The following EIF2AK3 variants were observed in gnomAD, a reference collection of about 807,000 sequenced individuals.
EIF2AK3 encodes eukaryotic translation initiation factor 2-alpha kinase 3.
A neutral mutation model predicts 113.5 loss-of-function variants in EIF2AK3; 50 were observed. The ratio of observed to expected loss-of-function variants is 0.44; its 90% CI spans 0.35 to 0.56. The LOEUF (loss-of-function observed/expected upper bound fraction) is 0.56, where lower values mean the gene tolerates loss of function less well. Ranked by LOEUF, EIF2AK3 falls within the 20% of genes least tolerant of loss-of-function variation. EIF2AK3 has a pLI of 0.00. For missense variants in EIF2AK3, 1,185 were observed against 1,378.0 expected, an observed-to-expected ratio of 0.86 and a Z score of 2.22; for synonymous variants, 448 against 495.4, an observed-to-expected ratio of 0.90 and a Z score of 1.27.
rs983962343 is a variant in EIF2AK3, at chr2:88,561,861, GA to G, written c.3087+427del. ...GCGACAGAGCAAGACCTTGCCTTGA[GA>G]AAAAAAAAAGACTTTCAGTACTATC... is the stretch of plus-strand genomic sequence containing the variant. On this transcript the variant is annotated intron_variant, in intron 15 of 16. Coordinates refer to ENST00000303236, the MANE Select transcript of EIF2AK3 (RefSeq NM_004836.7). Among the ~76,000 whole-genome samples, 11 of 147,392 alleles carry G rather than the reference GA, an allele frequency of 7.5e-5. 1 individual carries two copies. Among genetic ancestry groups the G allele is most frequent in the South Asian group, 4.3e-4 (2 of 4,664 alleles).
chr2:88,623,422 A>G (rs1402013999), intron 1 of EIF2AK3, among the ~76,000 whole-genome samples: 1 of 152,242 alleles, frequency 6.6e-6, no homozygotes, highest in Non-Finnish European at 1.5e-5. Flanking sequence ...TATGCAGAGT[A>G]AGCACTTAGA....
Position 88,627,294 on chromosome 2 carries a change from C to G in EIF2AK3, c.-20G>C, listed in dbSNP as rs1304168656. The stretch of plus-strand genomic sequence containing the variant: ...CTCCATCAGCGTCCCGCCCCGCGCG[C>G]AGGCATGGAGGCGCAGCCACTGACG... On this transcript the variant is annotated 5_prime_UTR_variant, in exon 1 of 17. Transcript: ENST00000303236. The G allele has an allele frequency of 3.4e-6, 5 of 1,480,862 alleles. No individual in the cohort carries two copies. The highest frequency in any genetic ancestry group is 1.5e-5 in the African/African-American group (1 of 68,656). The allele number at this position is 1,480,862 out of a possible 1,614,324, so 91.7% of individuals were successfully genotyped here.
rs772383156 is a variant in EIF2AK3, at chr2:88,574,930, A to G, written c.2553T>C (p.Ala851=). The G allele has an allele frequency of 6.2e-7, 1 of 1,614,180 alleles. No homozygotes were observed. Among genetic ancestry groups the G allele is most frequent in the Non-Finnish European group, 8.5e-7 (1 of 1,180,022 alleles). ...KPTSSKSSSE[A]TLSISPPRPT... Reference sequence around the variant, plus strand: ...GTCTTGGAGGAGAAATAGACAATGTAGCTTCAGAAGAAGATTTGCTACTGG... The same window carrying G: ...GTCTTGGAGGAGAAATAGACAATGTGGCTTCAGAAGAAGATTTGCTACTGG... The change falls in exon 13 of 17, where the codon GCT becomes GCC. Residue 851 remains alanine, a synonymous_variant. Coordinates refer to ENST00000303236, the MANE Select transcript of EIF2AK3 (RefSeq NM_004836.7).
intron 14 of EIF2AK3, among the ~76,000 whole-genome samples, chr2:88,565,924 G>A (rs966174002): frequency 8.6e-5 from 13 of 151,944 alleles, no homozygotes; most frequent in South Asian, 2.1e-4. Context: ...ATTTTTCTAC[G>A]TAAGCCAGTT....
At chr2:88,605,239 G>A (rs1391530169) in intron 2 of EIF2AK3, among the ~76,000 whole-genome samples, 1 of 152,176 alleles carries the variant, frequency 6.6e-6, no homozygotes, top group African/African-American at 2.4e-5. Flanking sequence ...TAGCTCATGT[G>A]ACTACCTATA....
intron 2 of EIF2AK3, among the ~76,000 whole-genome samples, chr2:88,604,075 T>G (rs916569381): frequency 2.0e-5 from 3 of 152,156 alleles, no homozygotes; most frequent in African/African-American, 7.2e-5. Context: ...CCATGCAGTC[T>G]CTTAACTAGT....
chr2:88,558,004 G>A (rs1488022136), intron 16 of EIF2AK3, 68 bp from the exon 17 acceptor site: 1 of 1,472,228 alleles, frequency 6.8e-7, no homozygotes, highest in Non-Finnish European at 9.5e-7. Context: ...TTTAAAATCA[G>A]TGCTGGCAAA....
chr2:88,560,407 A>G (rs1175170565), intron 15 of EIF2AK3, among the ~76,000 whole-genome samples: 1 of 151,932 alleles, frequency 6.6e-6, no homozygotes, highest in African/African-American at 2.4e-5. Context: ...CTGCCTTTTC[A>G]CTTTCTATTT....
chr2:88,596,801 A>G (rs905963531), intron 2 of EIF2AK3, among the ~76,000 whole-genome samples: 6 of 152,236 alleles, frequency 3.9e-5, no homozygotes, highest in African/African-American at 1.4e-4. Context: ...GGTAAAGCCA[A>G]TAGGATTTCA....
intron 9 of EIF2AK3, among the ~76,000 whole-genome samples, chr2:88,585,328 A>T (rs1474194038): frequency 6.6e-6 from 1 of 150,654 alleles, no homozygotes; most frequent in Non-Finnish European, 1.5e-5. Context: ...AGGGGAGGGG[A>T]ATGGGAGGGG....
intron 4 of EIF2AK3, 81 bp downstream of exon 4, chr2:88,593,191 T>C: frequency 6.4e-7 from 1 of 1,559,820 alleles, no homozygotes. Flanking sequence ...AGTCAAAATC[T>C]CCACAAACAG....
At chr2:88,615,378 A>G (rs756213485) in intron 1 of EIF2AK3, among the ~76,000 whole-genome samples, 10 of 152,260 alleles carry the variant, frequency 6.6e-5, no homozygotes, top group Non-Finnish European at 1.3e-4. Context: ...CAAAAAATTC[A>G]TAAGTTGAAA....
chr2:88,557,636 C>A lies in EIF2AK3; in HGVS notation c.*100G>T. ...AAAAGTAGTCCACAAAAAAATTGAG[C>A]GAAGAACAAACTTTTCAAGTCTGCA... On this transcript the variant is annotated 3_prime_UTR_variant, in exon 17 of 17. Transcript: ENST00000303236. 1 of 1,343,100 alleles carries A rather than the reference C, an allele frequency of 7.4e-7. No homozygotes were observed. Among genetic ancestry groups the A allele is most frequent in the East Asian group, 2.3e-5 (1 of 43,422 alleles). 83.2% of individuals were successfully genotyped at this position (1,343,100 alleles called of 1,614,324 possible). A position where few individuals can be genotyped will look rare whatever the true frequency, so the allele number is the denominator to read the frequency against.
At chr2:88,592,725 T>C (rs1346087748) in intron 4 of EIF2AK3, among the ~76,000 whole-genome samples, 1 of 148,898 alleles carries the variant, frequency 6.7e-6, no homozygotes, top group Non-Finnish European at 1.5e-5. Context: ...ATCATGCCAT[T>C]GCACTCCAGC....
chr2:88,590,299 G>T, intron 6 of EIF2AK3, 144 bp downstream of exon 6: 1 of 839,696 alleles, frequency 1.2e-6, no homozygotes, highest in South Asian at 1.6e-5. Context: ...GGAAATCGAA[G>T]TATAAATCTC....
At chr2:88,579,924 G>A (rs1674555549) in intron 10 of EIF2AK3, 1 of 368,888 alleles carries the variant, frequency 2.7e-6, no homozygotes, top group African/African-American at 2.1e-5. Flanking sequence ...CACTAGTGAT[G>A]TGTGCTGTCC....
intron 1 of EIF2AK3, among the ~76,000 whole-genome samples, chr2:88,619,051 C>T (rs1355613378): frequency 1.3e-5 from 2 of 150,120 alleles, no homozygotes; most frequent in African/African-American, 4.9e-5. Context: ...CCCAATGGTA[C>T]GATCTCTGCT....
In EIF2AK3 at chr2:88,627,389, C is replaced by T. The variant is rs1440850383; in HGVS notation, c.-115G>A. Reference sequence around the variant, plus strand: ...GCTAGGGACCCTACTGCCGCCCCGACGGCCTGGACAGCCAGCCGTGTTCCC... The same window carrying T: ...GCTAGGGACCCTACTGCCGCCCCGATGGCCTGGACAGCCAGCCGTGTTCCC... On this transcript the variant is annotated 5_prime_UTR_variant, in exon 1 of 17. Coordinates refer to ENST00000303236, the MANE Select transcript of EIF2AK3 (RefSeq NM_004836.7). 5 of 1,259,620 alleles carry T rather than the reference C, an allele frequency of 4.0e-6. No individual in the cohort carries two copies. Among genetic ancestry groups the T allele is most frequent in the South Asian group, 2.0e-5 (1 of 51,210 alleles). The allele number at this position is 1,259,620 out of a possible 1,614,324, so 78.0% of individuals were successfully genotyped here. A position where few individuals can be genotyped will look rare whatever the true frequency, so the allele number is the denominator to read the frequency against.
chr2:88,599,439 T>C (rs1030645610), intron 2 of EIF2AK3, among the ~76,000 whole-genome samples: 8 of 151,986 alleles, frequency 5.3e-5, no homozygotes, highest in African/African-American at 1.9e-4. Flanking sequence ...AGTATGCACA[T>C]ACCCTATAAT....
Sources: allele counts gnomAD v4.1 joint callset (sites outside exome capture counted in the v4.1 genomes callset), GRCh38; gene constraint gnomAD v4.1.1; transcripts MANE v1.5; gene names NCBI Gene and HGNC (gene_info 2026-07-23, HGNC 2026-07-21).